The following ATP9B variants were observed in gnomAD, a reference collection of about 807,000 sequenced individuals.
ATP9B encodes ATPase phospholipid transporting 9B, also known as probable phospholipid-transporting ATPase IIB.
A neutral mutation model predicts 146.1 loss-of-function variants in ATP9B; 110 were observed. That is an observed-to-expected ratio of 0.75 (90% CI 0.65 to 0.88). The LOEUF (loss-of-function observed/expected upper bound fraction) is 0.88, where lower values mean the gene tolerates loss of function less well. ATP9B is among the 40% of genes least tolerant of loss of function. The probability of loss-of-function intolerance (pLI) is 0.00; values close to 1 mark genes in which losing one functional copy is unlikely to be tolerated. For missense variants in ATP9B, 1,499 were observed against 1,496.4 expected (o/e 1.00, Z -0.03); for synonymous variants, 604 against 569.7 (o/e 1.06, Z -0.86).
intron 12 of ATP9B, among the ~76,000 whole-genome samples, chr18:79,255,891 G>C (rs1455220197): frequency 6.6e-6 from 1 of 152,098 alleles, no homozygotes; most frequent in Non-Finnish European, 1.5e-5. Flanking sequence ...CTGCTTTTTG[G>C]GTTATATTAG....
chr18:79,263,394 G>C (rs1482084057), intron 12 of ATP9B, among the ~76,000 whole-genome samples: 1 of 152,198 alleles, frequency 6.6e-6, no homozygotes, highest in Non-Finnish European at 1.5e-5. Flanking sequence ...TGCATGTTTG[G>C]TTGCAGGTGC....
chr18:79,232,122 C>G (rs1302245814), intron 11 of ATP9B, among the ~76,000 whole-genome samples: 1 of 152,100 alleles, frequency 6.6e-6, no homozygotes, highest in African/African-American at 2.4e-5. Context: ...AAAGACCTTA[C>G]CAGGTCTGTC....
rs762515563 is a variant in ATP9B at position 79,337,367 on chromosome 18, T to C, written c.2201T>C (p.Leu734Pro). 9 of 1,614,012 alleles carry C rather than the reference T, an allele frequency of 5.6e-6. No individual in the cohort carries two copies. The South Asian group carries it at 9.9e-5, about 18-fold the overall frequency. The change falls in exon 19 of 30, where the codon CTG becomes CCG. Residue 734 changes from leucine to proline, a missense_variant. Physicochemically the swap from Leu to Pro is moderately conservative, Grantham distance 98. Transcript: ENST00000426216. ...GAGAGCCTGGAGAGGGAGATGGAACTGCTGTGCCTCACCGGCGTGGAGGAC... is the reference window on the plus strand; with the variant it reads ...GAGAGCCTGGAGAGGGAGATGGAACCGCTGTGCCTCACCGGCGTGGAGGAC... ...VVESLEREME[L>P]LCLTGVEDQL...
intron 11 of ATP9B, among the ~76,000 whole-genome samples, chr18:79,251,828 T>C (rs2096026964): frequency 6.6e-6 from 1 of 152,158 alleles, no homozygotes; most frequent in South Asian, 2.1e-4. Context: ...TTTAATCAGG[T>C]TTTTTGCAGT....
At chr18:79,135,540 C>G (rs957612828) in intron 5 of ATP9B, among the ~76,000 whole-genome samples, 5 of 152,208 alleles carry the variant, frequency 3.3e-5, no homozygotes, top group Non-Finnish European at 7.3e-5. Context: ...TTAGGCCCCT[C>G]TTTCCGGCTC....
In ATP9B at chr18:79,259,615, A is replaced by G. The variant is rs1202527748; in HGVS notation, c.1268+6074A>G. 2.6e-5 allele frequency among the ~76,000 whole-genome samples: 4 copies of G among 152,132 alleles called. 1 individual carries two copies. The highest frequency in any genetic ancestry group is 1.9e-4 in the East Asian group (1 of 5,176). On this transcript the variant is annotated intron_variant, in intron 12 of 29. Coordinates refer to ENST00000426216, the MANE Select transcript of ATP9B (RefSeq NM_198531.5). ...TCATTTACCAAGGGTCTAGCCTCCA[A>G]CCCAGTGAGCGTGGGGATGCTTGCC...
intron 4 of ATP9B, among the ~76,000 whole-genome samples, chr18:79,122,449 T>G (rs1456682639): frequency 6.6e-6 from 1 of 152,222 alleles, no homozygotes; most frequent in Non-Finnish European, 1.5e-5. Context: ...CACCCAAGAC[T>G]ACTACTAAAA....
At position 79,221,855 on chromosome 18, in the gene ATP9B, C is replaced by T. The variant is rs142729538; in HGVS notation, c.1107+7817C>T. ...TTCTAGTTCTCCTCAGCTAACATCC[C>T]CAAACTTCTTTGGCCAATTTTTTTT... On this transcript the variant is annotated intron_variant, in intron 11 of 29. Coordinates refer to ENST00000426216, the MANE Select transcript of ATP9B (RefSeq NM_198531.5). Among the ~76,000 whole-genome samples the T allele has an allele frequency of 7.3e-3, 1,079 of 146,868 alleles. 23 individuals carry two copies. Among genetic ancestry groups the T allele is most frequent in the East Asian group, 0.068 (337 of 4,924 alleles).
chr18:79,071,051 T>TTTTTCTTTTTTC lies in ATP9B; in HGVS notation c.119+1526_119+1527insCTTTTTTCTTTT, dbSNP rs777112273. ...GATTCTCATTCTGATTCCTGTTTCT[T>TTTTTCTTTTTTC]TTTTTTTTTTTTTTTGCCACTTTTT... is the stretch of plus-strand genomic sequence containing the variant. On this transcript the variant is annotated intron_variant, in intron 1 of 29. Transcript: ENST00000426216. 7.6e-5 allele frequency among the ~76,000 whole-genome samples: 11 copies of TTTTTCTTTTTTC among 145,580 alleles called. 1 individual carries two copies. The highest frequency in any genetic ancestry group is 2.8e-4 in the African/African-American group (11 of 38,636).
In ATP9B at chr18:79,345,775, G is replaced by A. The variant is rs781164325; in HGVS notation, c.2618G>A (p.Gly873Asp). 14 of 1,614,270 alleles carry A rather than the reference G, an allele frequency of 8.7e-6. No individual in the cohort carries two copies. Among genetic ancestry groups the A allele is most frequent in the Non-Finnish European group, 1.2e-5 (14 of 1,180,046 alleles). Residue 873 changes from glycine to aspartate, a missense_variant and splice_region_variant, in exon 23 of 30, where the codon GGT becomes GAT. Physicochemically the swap from Gly to Asp is moderately conservative, Grantham distance 94 (BLOSUM62 -1). Coordinates refer to ENST00000426216, the MANE Select transcript of ATP9B (RefSeq NM_198531.5). ...TCATCTCACTTTTCTTGCTTCGCAG[G>A]TGATGGAGGAAATGATGTCAGCATG... ...QHTGRRTCAI[G>D]DGGNDVSMIQ...
At chr18:79,372,535 T>C (rs1568861561) in intron 26 of ATP9B, 3 of 578,114 alleles carry the variant, frequency 5.2e-6, no homozygotes, top group Middle Eastern at 5.6e-4. Flanking sequence ...TGTTTGCTTG[T>C]ATACATCACT....
At chr18:79,187,360 C>A (rs1392277401) in intron 8 of ATP9B, among the ~76,000 whole-genome samples, 1 of 152,168 alleles carries the variant, frequency 6.6e-6, no homozygotes, top group African/African-American at 2.4e-5. Context: ...TGCCCCACCT[C>A]CACACTGTCC....
intron 8 of ATP9B, among the ~76,000 whole-genome samples, chr18:79,178,617 G>A (rs1359318554): frequency 6.6e-6 from 1 of 152,046 alleles, no homozygotes; most frequent in African/African-American, 2.4e-5. Context: ...GTATCTGTAG[G>A]GATGATCATA....
chr18:79,134,384 G>A (rs1293878368), intron 5 of ATP9B, among the ~76,000 whole-genome samples: 2 of 152,214 alleles, frequency 1.3e-5, no homozygotes, highest in African/African-American at 4.8e-5. Flanking sequence ...TCCCTGTGGG[G>A]AGTGGCGTTA....
At chr18:79,303,235 G>A (rs1165084625) in intron 13 of ATP9B, among the ~76,000 whole-genome samples, 3 of 152,072 alleles carry the variant, frequency 2.0e-5, no homozygotes, top group Non-Finnish European at 4.4e-5. Context: ...GTTGTCGTGC[G>A]CCTGTAGTCC....
At chr18:79,225,054 A>G (rs2095715590) in intron 11 of ATP9B, among the ~76,000 whole-genome samples, 1 of 152,056 alleles carries the variant, frequency 6.6e-6, no homozygotes, top group Non-Finnish European at 1.5e-5. Context: ...TAAGCCTCTG[A>G]CACAGTGTCT....
At chr18:79,321,736 T>C (rs1224207251) in intron 15 of ATP9B, among the ~76,000 whole-genome samples, 1 of 152,224 alleles carries the variant, frequency 6.6e-6, no homozygotes, top group Admixed American at 6.5e-5. Flanking sequence ...TATAAGAAGC[T>C]AAACTGATTT....
intron 29 of ATP9B, chr18:79,375,944 C>T: frequency 5.1e-6 from 5 of 985,394 alleles, no homozygotes; most frequent in Non-Finnish European, 6.0e-6. Flanking sequence ...TCATCTGCCT[C>T]TTTTCATGCG....
intron 13 of ATP9B, among the ~76,000 whole-genome samples, chr18:79,278,684 T>C (rs915499274): frequency 6.6e-6 from 1 of 152,142 alleles, no homozygotes; most frequent in Non-Finnish European, 1.5e-5. Flanking sequence ...TTAGACTTTG[T>C]CTTGTGAGAG....
Sources: gnomAD v4.1 joint callset for allele counts (sites outside exome capture counted in the v4.1 genomes callset) on GRCh38, gnomAD v4.1.1 for gene constraint, MANE v1.5 for transcripts, NCBI Gene and HGNC (gene_info 2026-07-23, HGNC 2026-07-21) for gene names.